The following MBD5 variants were observed in gnomAD, a reference collection of about 807,000 sequenced individuals.
MBD5 encodes the protein methyl-CpG binding domain protein 5.
MBD5 carries 13 observed loss-of-function variants against 117.3 expected under a neutral mutation model. That is an observed-to-expected ratio of 0.11 (90% CI 0.07 to 0.18). MBD5 has a LOEUF of 0.18. Among genes scored for constraint, MBD5 ranks in the 10% least tolerant of loss-of-function variants. The pLI, the probability that MBD5 is intolerant of heterozygous loss-of-function variation, is 1.00. For missense variants in MBD5, 1,879 were observed against 2,093.8 expected (o/e 0.90, Z 2.00); for synonymous variants, 727 against 766.4 (o/e 0.95, Z 0.85).
In MBD5 at chr2:148,404,420, C is replaced by A. The variant is rs1705016806; in HGVS notation, c.-556-53783C>A. On this transcript the variant is annotated intron_variant, in intron 4 of 13. Transcript: ENST00000642680. ...AATTATTTTCTCAGCCTCAGTTATC[C>A]CCTCACATGCTGAATACTCAAAAGG... Among the ~76,000 whole-genome samples the A allele has an allele frequency of 5.3e-5, 8 of 152,050 alleles. No individual in the cohort carries two copies. In the South Asian group the frequency reaches 1.7e-3, roughly 32 times the overall value.
intron 2 of MBD5, among the ~76,000 whole-genome samples, chr2:148,224,584 T>A (rs1195519168): frequency 7.0e-6 from 1 of 142,262 alleles, no homozygotes; most frequent in Non-Finnish European, 1.5e-5. Flanking sequence ...TGGTCTCAAA[T>A]TCCTGAGCTC....
intron 1 of MBD5, among the ~76,000 whole-genome samples, chr2:148,148,225 C>A (rs1006764217): frequency 3.3e-5 from 5 of 152,140 alleles, no homozygotes; most frequent in Non-Finnish European, 1.5e-5. Flanking sequence ...CAAATGGTGA[C>A]TATTCTATGA....
chr2:148,326,558 T>C (rs1702457908), intron 3 of MBD5, among the ~76,000 whole-genome samples: 1 of 152,216 alleles, frequency 6.6e-6, no homozygotes, highest in South Asian at 2.1e-4. Context: ...AGTTAGCTTT[T>C]CTTGGTGAAT....
At chr2:148,496,783 G>T (rs963053941) in intron 11 of MBD5, among the ~76,000 whole-genome samples, 1 of 152,124 alleles carries the variant, frequency 6.6e-6, no homozygotes, top group Non-Finnish European at 1.5e-5. Flanking sequence ...ACCGAAAAAG[G>T]CCTCAGATAA....
chr2:148,304,801 G>A (rs979893020), intron 3 of MBD5, among the ~76,000 whole-genome samples: 1 of 152,284 alleles, frequency 6.6e-6, no homozygotes, highest in East Asian at 1.9e-4. Flanking sequence ...GGTGGCTCAC[G>A]CCTGTAATCC....
At chr2:148,055,954 T>C (rs1694850669) in intron 1 of MBD5, 2 of 152,190 alleles carry the variant, frequency 1.3e-5, no homozygotes, top group African/African-American at 2.4e-5. Flanking sequence ...ATAATCAGTT[T>C]GGCATGTTCT....
At chr2:148,296,844 T>C (rs1341636932) in intron 3 of MBD5, among the ~76,000 whole-genome samples, 1 of 150,050 alleles carries the variant, frequency 6.7e-6, no homozygotes, top group Non-Finnish European at 1.5e-5. Flanking sequence ...TCTTTAAGCA[T>C]AGTTTGCTTT....
intron 3 of MBD5, among the ~76,000 whole-genome samples, chr2:148,287,500 T>A (rs1701392454): frequency 6.6e-6 from 1 of 152,204 alleles, no homozygotes; most frequent in Admixed American, 6.5e-5. Flanking sequence ...GTAATGAATA[T>A]TCAGGTAATG....
chr2:148,500,617 A>G (rs1049663306), intron 11 of MBD5, among the ~76,000 whole-genome samples: 5 of 152,142 alleles, frequency 3.3e-5, no homozygotes, highest in Non-Finnish European at 5.9e-5. Flanking sequence ...ATTAAGACCA[A>G]TGGGGTAAGT....
At chr2:148,371,147 T>A (rs1431043890) in intron 4 of MBD5, among the ~76,000 whole-genome samples, 1 of 152,188 alleles carries the variant, frequency 6.6e-6, no homozygotes, top group Non-Finnish European at 1.5e-5. Flanking sequence ...CTTAGTTTTT[T>A]AAAATTCCAT....
At position 148,397,801 on chromosome 2, in the gene MBD5, T is replaced by A. The variant is rs12691794; in HGVS notation, c.-557+55465T>A. Among the ~76,000 whole-genome samples the A allele has an allele frequency of 4.8e-5, 7 of 144,824 alleles. No homozygotes were observed. In the East Asian group the frequency reaches 6.4e-4, roughly 13 times the overall value. On this transcript the variant is annotated intron_variant, in intron 4 of 13. Transcript: ENST00000642680. ...ATATCTCCTAATCCTATCCCTCCCC[T>A]CTCCCCCTACCCCACAACAGGCCCC...
chr2:148,123,236 T>C (rs1024387595), intron 1 of MBD5, among the ~76,000 whole-genome samples: 1 of 152,208 alleles, frequency 6.6e-6, no homozygotes, highest in Non-Finnish European at 1.5e-5. Context: ...TTTTGGAAAC[T>C]TTTCAAACTT....
At chr2:148,454,872 A>G (rs1706835458) in intron 4 of MBD5, among the ~76,000 whole-genome samples, 1 of 152,044 alleles carries the variant, frequency 6.6e-6, no homozygotes, top group African/African-American at 2.4e-5. Flanking sequence ...GACATTTAGG[A>G]TTTTTTTGTT....
chr2:148,281,382 C>T (rs1298278589), intron 3 of MBD5, among the ~76,000 whole-genome samples: 1 of 152,068 alleles, frequency 6.6e-6, no homozygotes, highest in Non-Finnish European at 1.5e-5. Context: ...TTTTCTTTTT[C>T]AAATAATAAA....
At chr2:148,333,153 A>G (rs1489942022) in intron 3 of MBD5, among the ~76,000 whole-genome samples, 1 of 151,960 alleles carries the variant, frequency 6.6e-6, no homozygotes, top group Non-Finnish European at 1.5e-5. Context: ...TTCAAATTTT[A>G]TGTCCCTAAA....
In MBD5 at chr2:148,515,251, C is replaced by T. The variant is rs1247722238; in HGVS notation, c.*2310C>T. The T allele has an allele frequency of 1.3e-5, 2 of 152,078 alleles. No individual in the cohort carries two copies. Among genetic ancestry groups the T allele is most frequent in the East Asian group, 3.9e-4 (2 of 5,188 alleles). 9.4% of individuals were successfully genotyped at this position (152,078 alleles called of 1,614,324 possible). ...TGTCTTCAGGCTGAGTTTGTGTTGA[C>T]CAAGCCTTCTTTTTGGTATTTTGAG... On this transcript the variant is annotated 3_prime_UTR_variant, in exon 14 of 14. Coordinates refer to ENST00000642680, the MANE Select transcript of MBD5 (RefSeq NM_001378120.1).
intron 3 of MBD5, among the ~76,000 whole-genome samples, chr2:148,333,474 G>T (rs982771607): frequency 5.3e-5 from 8 of 152,072 alleles, no homozygotes; most frequent in Non-Finnish European, 1.0e-4. Context: ...AGTAAAAGAG[G>T]ACTTAGAGTC....
At chr2:148,120,499 G>C (rs926780333) in intron 1 of MBD5, among the ~76,000 whole-genome samples, 1 of 152,122 alleles carries the variant, frequency 6.6e-6, no homozygotes, top group African/African-American at 2.4e-5. Context: ...CACAGTGTAA[G>C]TCTAACACTT....
At chr2:148,316,497 T>C (rs1702161549) in intron 3 of MBD5, among the ~76,000 whole-genome samples, 1 of 152,184 alleles carries the variant, frequency 6.6e-6, no homozygotes, top group African/African-American at 2.4e-5. Context: ...TCAGTGGGCA[T>C]TTAGGAGTTG....
Sources: gnomAD v4.1 joint callset for allele counts (sites outside exome capture counted in the v4.1 genomes callset) on GRCh38, gnomAD v4.1.1 for gene constraint, MANE v1.5 for transcripts, NCBI Gene and HGNC (gene_info 2026-07-23, HGNC 2026-07-21) for gene names.